The following CKAP5 variants were observed in gnomAD, a reference collection of about 807,000 sequenced individuals.
CKAP5 encodes the protein cytoskeleton-associated protein 5.
In CKAP5, 27 loss-of-function variants were observed where a neutral mutation model predicts 232.8. The ratio of observed to expected loss-of-function variants is 0.12; its 90% confidence interval spans 0.09 to 0.16. CKAP5 has a LOEUF of 0.16. Among genes scored for constraint, CKAP5 ranks in the 10% least tolerant of loss-of-function variants. CKAP5 has a pLI of 1.00. For missense variants in CKAP5, 1,838 were observed against 2,424.7 expected (o/e 0.76, Z 5.08); for synonymous variants, 785 against 841.1 (o/e 0.93, Z 1.16).
rs751881686 is a variant in CKAP5 at position 46,751,332 on chromosome 11, C to T, written c.5322+14G>A. 1.2e-5 allele frequency: 19 copies of T among 1,613,780 alleles called. 1 individual carries two copies. Among genetic ancestry groups the T allele is most frequent in the Admixed American group, 3.3e-5 (2 of 59,984 alleles). On this transcript the variant is annotated intron_variant, in intron 39 of 43. Transcript: ENST00000529230. ...CTCAAGCTCCCTCAGAGACCAGTTGCGATTCTTACTCACCTTGGGCCCTTT... is the reference window on the plus strand; with the variant it reads ...CTCAAGCTCCCTCAGAGACCAGTTGTGATTCTTACTCACCTTGGGCCCTTT...
chr11:46,767,431 C>T lies in CKAP5; in HGVS notation c.3411+144G>A, dbSNP rs77341548. 4,419 of 508,484 alleles carry T rather than the reference C, an allele frequency of 8.7e-3. 153 individuals are homozygous for T. The highest frequency in any genetic ancestry group is 0.077 in the African/African-American group (3,987 of 52,110). 31.5% of individuals were successfully genotyped at this position (508,484 alleles called of 1,614,324 possible). Reference sequence around the variant, plus strand: ...TTTTAGGACCTTATTAAAAATGAACCACAGAAATTTGTATAAATAATTTGA... The same window carrying T: ...TTTTAGGACCTTATTAAAAATGAACTACAGAAATTTGTATAAATAATTTGA... On this transcript the variant is annotated intron_variant, in intron 27 of 43. Coordinates refer to ENST00000529230, the MANE Select transcript of CKAP5 (RefSeq NM_001008938.4).
In CKAP5 at chr11:46,755,964, A is replaced by C. The variant is rs1289827558; in HGVS notation, c.4690-897T>G. Among the ~76,000 whole-genome samples, 4 of 152,154 alleles carry C rather than the reference A, an allele frequency of 2.6e-5. No individual in the cohort carries two copies. In the South Asian group the frequency reaches 8.3e-4, roughly 32 times the overall value. On this transcript the variant is annotated intron_variant, in intron 35 of 43. Coordinates refer to ENST00000529230, the MANE Select transcript of CKAP5 (RefSeq NM_001008938.4). ...CAAAAATACTTATGTTTAAATGTTC[A>C]ATTTATTAAAAAGAGTGCTTTTTAG...
rs1255478156 is a variant in CKAP5, at chr11:46,778,541, C to T, written c.2492G>A (p.Gly831Asp). ...ATCTCCATCTTCTCCTTCATCTGTA[C>T]CACTTGTGCTATGCTTGGAAATTCC... ...TRGISKHSTS[G>D]TDEGEDGDEP... Residue 831 changes from glycine to aspartate, a missense_variant, in exon 21 of 44, where the codon GGT (glycine) becomes GAT (aspartate). Coordinates refer to ENST00000529230, the MANE Select transcript of CKAP5 (RefSeq NM_001008938.4). 2 of 1,613,878 alleles carry T rather than the reference C, an allele frequency of 1.2e-6. No individual in the cohort carries two copies. Among genetic ancestry groups the T allele is most frequent in the African/African-American group, 1.3e-5 (1 of 74,930 alleles).
intron 3 of CKAP5, 61 bp from the exon 4 acceptor site, chr11:46,816,465 C>T (rs1422202021): frequency 2.0e-5 from 27 of 1,322,362 alleles, no homozygotes; most frequent in Middle Eastern, 2.5e-4. Flanking sequence ...AAAAAGGTCA[C>T]GGAAAGGGGG....
At chr11:46,802,444 T>G (rs1939050726) in intron 8 of CKAP5, 1 of 152,094 alleles carries the variant, frequency 6.6e-6, no homozygotes, top group Admixed American at 6.6e-5. Context: ...CTTGGGAGGC[T>G]GAGGCAAAAG....
chr11:46,758,796 T>C, intron 35 of CKAP5, 127 bp downstream of exon 35: 1 of 1,061,808 alleles, frequency 9.4e-7, no homozygotes, highest in Non-Finnish European at 1.3e-6. Flanking sequence ...GTGCATTTCT[T>C]TCCTCGGGAA....
chr11:46,755,791 T>TG (rs1382350438), intron 35 of CKAP5, among the ~76,000 whole-genome samples: 1 of 151,840 alleles, frequency 6.6e-6, no homozygotes, highest in Non-Finnish European at 1.5e-5. Context: ...TAGCCTGGCA[T>TG]GGTGGTAGGC....
intron 24 of CKAP5, among the ~76,000 whole-genome samples, chr11:46,773,011 G>A (rs554181910): frequency 6.6e-6 from 1 of 152,232 alleles, no homozygotes; most frequent in South Asian, 2.1e-4. Context: ...CAAAGTGCTG[G>A]GATTACAGGC....
At position 46,844,950 on chromosome 11, in the gene CKAP5, A is replaced by G. The variant is rs552417915; in HGVS notation, c.-38+1270T>C. 1.8e-4 allele frequency among the ~76,000 whole-genome samples: 27 copies of G among 152,314 alleles called. 1 individual carries two copies. Among genetic ancestry groups the G allele is most frequent in the Non-Finnish European group, 2.9e-5 (2 of 68,022 alleles). ...ATTACAGGCGTCAGCCACCGCGCCC[A>G]GCCTAAAATCTTATTTAAAAATTTT... On this transcript the variant is annotated intron_variant, in intron 1 of 43. Transcript: ENST00000529230.
chr11:46,836,067 T>C (rs1037577890), intron 1 of CKAP5, among the ~76,000 whole-genome samples: 4 of 152,214 alleles, frequency 2.6e-5, no homozygotes, highest in Non-Finnish European at 4.4e-5. Flanking sequence ...AAAATGGTCA[T>C]GGTCATGAAA....
rs115331686 is a variant in CKAP5 at position 46,780,302 on chromosome 11, G to A, written c.2325C>T (p.Ala775=). The change falls in exon 20 of 44, where the codon GCC becomes GCT. Residue 775 remains alanine (A), a synonymous_variant. Coordinates refer to ENST00000529230, the MANE Select transcript of CKAP5 (RefSeq NM_001008938.4). ...AATNPAVRTA[A]ITLLGVMYLY... Reference sequence around the variant, plus strand: ...GATACATCACGCCAAGCAGGGTTATGGCAGCAGTCCTCACAGCCTGCCAGA... The same window carrying A: ...GATACATCACGCCAAGCAGGGTTATAGCAGCAGTCCTCACAGCCTGCCAGA... 1.2e-6 allele frequency: 2 copies of A among 1,614,038 alleles called. No homozygotes were observed. Among genetic ancestry groups the A allele is most frequent in the African/African-American group, 1.3e-5 (1 of 75,042 alleles).
At position 46,795,743 on chromosome 11, in the gene CKAP5, G is replaced by T. The variant is rs375097229; in HGVS notation, c.1501C>A (p.His501Asn). The stretch of plus-strand genomic sequence containing the variant: ...GCAGCTAGTCCAGCTTTCTTACCAT[G>T]TATCAGTTCTACCTTTTCTGAACAT... ...KECSEKVELIHGKKAGLAADK... is the reference protein window; with the variant it reads ...KECSEKVELINGKKAGLAADK... The change falls in exon 13 of 44, where the codon CAT becomes AAT. Residue 501 changes from histidine to asparagine, a missense_variant. Physicochemically the swap from His to Asn is moderately conservative, Grantham distance 68 (BLOSUM62 1). Around this residue, in one of 6 missense-constraint regions of CKAP5, gnomAD observed 767 missense variants for 954.6 expected, o/e 0.80. Transcript: ENST00000529230. 6.2e-7 allele frequency: 1 copy of T among 1,613,796 alleles called. No individual in the cohort carries two copies. Among genetic ancestry groups the T allele is most frequent in the Non-Finnish European group, 8.5e-7 (1 of 1,179,900 alleles).
chr11:46,812,015 A>G (rs1303291815), intron 4 of CKAP5, among the ~76,000 whole-genome samples: 1 of 152,074 alleles, frequency 6.6e-6, no homozygotes, highest in East Asian at 1.9e-4. Flanking sequence ...TATGGGGAAA[A>G]TGTTGCATTT....
rs1475751415 is a variant in CKAP5, at chr11:46,763,590, A to G, written c.3578T>C (p.Ile1193Thr). 1.3e-6 allele frequency: 2 copies of G among 1,595,814 alleles called. No homozygotes were observed. Reference sequence around the variant, plus strand: ...AGACATTTGAGTCTTTAGTTGCTCAATGTATTCATCCCGTGGGGTAGTAAA... The same window carrying G: ...AGACATTTGAGTCTTTAGTTGCTCAGTGTATTCATCCCGTGGGGTAGTAAA... ...WNFTTPRDEYIEQLKTQMSSC... is the reference protein window; with the variant it reads ...WNFTTPRDEYTEQLKTQMSSC... Residue 1193 changes from isoleucine (I) to threonine (T), a missense_variant, in exon 29 of 44, where the codon ATT (isoleucine) becomes ACT (threonine). Coordinates refer to ENST00000529230, the MANE Select transcript of CKAP5 (RefSeq NM_001008938.4).
intron 1 of CKAP5, among the ~76,000 whole-genome samples, chr11:46,823,248 T>G (rs1490255212): frequency 6.6e-6 from 1 of 152,168 alleles, no homozygotes; most frequent in Non-Finnish European, 1.5e-5. Context: ...ACCCCTATGC[T>G]ATCTATCTAG....
chr11:46,757,879 C>T (rs893638360), intron 35 of CKAP5, among the ~76,000 whole-genome samples: 1 of 149,438 alleles, frequency 6.7e-6, no homozygotes, highest in African/African-American at 2.4e-5. Context: ...AGCCACCACA[C>T]CTGGCCTATT....
At chr11:46,806,203 C>T (rs1376853684) in intron 8 of CKAP5, among the ~76,000 whole-genome samples, 4 of 152,150 alleles carry the variant, frequency 2.6e-5, no homozygotes, top group Non-Finnish European at 4.4e-5. Flanking sequence ...ATCCATGATG[C>T]TCTCTCTTTA....
chr11:46,821,066 G>A, intron 2 of CKAP5, 109 bp downstream of exon 2: 1 of 660,314 alleles, frequency 1.5e-6, no homozygotes, highest in Non-Finnish European at 2.5e-6. Context: ...CAAGGCATCA[G>A]TATTTTTGAA....
chr11:46,775,671 A>AG (rs75142794), intron 24 of CKAP5, among the ~76,000 whole-genome samples: 97,592 of 151,892 alleles, frequency 0.64, 33,096 homozygotes, highest in Non-Finnish European at 0.77. Flanking sequence ...TGTCCTTTGC[A>AG]GGGACATTGA....
Sources: gnomAD v4.1 joint callset for allele counts (sites outside exome capture counted in the v4.1 genomes callset) on GRCh38, gnomAD v4.1.1 for gene constraint, gnomAD v4.1.1 regional missense constraint, MANE v1.5 for transcripts, NCBI Gene and HGNC (gene_info 2026-07-23, HGNC 2026-07-21) for gene names.